The following DGKB variants were observed in gnomAD, a reference collection of about 807,000 sequenced individuals.
The protein encoded by DGKB is 90 kDa diacylglycerol kinase.
A neutral mutation model predicts 114.3 loss-of-function variants in DGKB; 67 were observed. The ratio of observed to expected loss-of-function variants is 0.59; its 90% confidence interval spans 0.48 to 0.72. DGKB has a LOEUF of 0.72. Among genes scored for constraint, DGKB ranks in the 30% least tolerant of loss-of-function variants. The pLI is 0.00. For synonymous variants in DGKB, 398 were observed against 323.1 expected (o/e 1.23, Z -2.49); for missense variants, 907 against 975.2 (o/e 0.93, Z 0.93).
chr7:14,641,842 C>T (rs895129535), intron 13 of DGKB, among the ~76,000 whole-genome samples: 1 of 151,962 alleles, frequency 6.6e-6, no homozygotes, highest in Non-Finnish European at 1.5e-5. Flanking sequence ...TGTTTATGTA[C>T]ATTTATTCTT....
intron 23 of DGKB, among the ~76,000 whole-genome samples, chr7:14,184,108 G>T (rs1783040539): frequency 6.6e-6 from 1 of 152,174 alleles, no homozygotes; most frequent in Non-Finnish European, 1.5e-5. Context: ...AAGTACAGGG[G>T]TAGAGGAAGC....
At chr7:14,931,621 C>T (rs1785023895) in intron 1 of DGKB, among the ~76,000 whole-genome samples, 1 of 152,078 alleles carries the variant, frequency 6.6e-6, no homozygotes, top group Non-Finnish European at 1.5e-5. Context: ...GTCCCCATAG[C>T]CACAGCTTTG....
At chr7:14,487,656 G>A (rs1266288306) in intron 20 of DGKB, among the ~76,000 whole-genome samples, 1 of 111,098 alleles carries the variant, frequency 9.0e-6, no homozygotes, top group African/African-American at 2.7e-5. Flanking sequence ...GACATTGGCT[G>A]CAGTGCAGTG....
intron 23 of DGKB, among the ~76,000 whole-genome samples, chr7:14,247,936 C>T (rs375304535): frequency 4.6e-5 from 7 of 151,932 alleles, no homozygotes; most frequent in East Asian, 1.9e-4. Flanking sequence ...AGACTAATGA[C>T]GAGTAGCTTT....
At chr7:14,593,911 G>A (rs889441866) in intron 17 of DGKB, among the ~76,000 whole-genome samples, 2 of 151,700 alleles carry the variant, frequency 1.3e-5, no homozygotes, top group Admixed American at 1.3e-4. Flanking sequence ...AAGTCCTTTC[G>A]GTTTTGACCC....
intron 1 of DGKB, among the ~76,000 whole-genome samples, chr7:14,948,530 T>C (rs1045982478): frequency 4.0e-5 from 6 of 151,758 alleles, no homozygotes; most frequent in African/African-American, 1.4e-4. Flanking sequence ...ATCTGTATAC[T>C]AAAAAATAGA....
chr7:14,233,014 G>GT (rs1792151324), intron 23 of DGKB, among the ~76,000 whole-genome samples: 4 of 152,134 alleles, frequency 2.6e-5, no homozygotes, highest in Middle Eastern at 3.4e-3. Flanking sequence ...TTTTGTTTTT[G>GT]CTACACAAAG....
intron 21 of DGKB, among the ~76,000 whole-genome samples, chr7:14,452,837 A>G (rs1831725082): frequency 6.6e-6 from 1 of 152,074 alleles, no homozygotes; most frequent in Admixed American, 6.6e-5. Flanking sequence ...ATTTTTATTT[A>G]TATATATTAT....
intron 12 of DGKB, among the ~76,000 whole-genome samples, chr7:14,673,427 G>C (rs1397468638): frequency 7.9e-6 from 1 of 126,082 alleles, no homozygotes; most frequent in African/African-American, 3.1e-5. Flanking sequence ...TGACCCTCCT[G>C]TTTTCTCAAA....
chr7:14,374,544 A>C (rs1168864489), intron 21 of DGKB, among the ~76,000 whole-genome samples: 2 of 152,150 alleles, frequency 1.3e-5, no homozygotes, highest in African/African-American at 2.4e-5. Context: ...CCCCGCACAC[A>C]TTCTGATAAA....
intron 1 of DGKB, among the ~76,000 whole-genome samples, chr7:14,919,246 C>A (rs546705567): frequency 6.6e-6 from 1 of 152,124 alleles, no homozygotes; most frequent in South Asian, 2.1e-4. Context: ...GTAATCAGGG[C>A]AGCACGTTAT....
intron 9 of DGKB, among the ~76,000 whole-genome samples, chr7:14,686,907 A>C (rs980437493): frequency 6.6e-6 from 1 of 152,098 alleles, no homozygotes; most frequent in South Asian, 2.1e-4. Flanking sequence ...AGTAACAAAC[A>C]GCCTAGCCTT....
At chr7:14,842,217 C>T (rs550852046) in intron 1 of DGKB, among the ~76,000 whole-genome samples, 27 of 152,268 alleles carry the variant, frequency 1.8e-4, no homozygotes, top group African/African-American at 6.5e-4. Context: ...GTAATCATTG[C>T]AAGGTTTATT....
At chr7:14,424,476 A>G (rs1431535) in intron 21 of DGKB, among the ~76,000 whole-genome samples, 40,424 of 151,762 alleles carry the variant, frequency 0.27, 5,903 homozygotes, top group East Asian at 0.49. Flanking sequence ...TAAAAGAGTT[A>G]GGTCTATCAC....
intron 1 of DGKB, among the ~76,000 whole-genome samples, chr7:14,950,590 A>G (rs1218783283): frequency 6.6e-6 from 1 of 152,038 alleles, no homozygotes; most frequent in Admixed American, 6.6e-5. Flanking sequence ...TAGACCTATA[A>G]TAAGGCAACA....
Position 14,852,487 on chromosome 7 carries a change from C to CAAAAACAAAAAAACAAAACA in DGKB, c.-187-11038_-187-11037insTGTTTTGTTTTTTTGTTTTT, listed in dbSNP as rs1554304205. Among the ~76,000 whole-genome samples the CAAAAACAAAAAAACAAAACA allele has an allele frequency of 1.9e-4, 12 of 63,618 alleles. 2 individuals are homozygous for CAAAAACAAAAAAACAAAACA. The highest frequency in any genetic ancestry group is 4.8e-4 in the Admixed American group (3 of 6,210). 41.7% of individuals were successfully genotyped at this position (63,618 alleles called of 152,430 possible). On this transcript the variant is annotated intron_variant, in intron 1 of 25. Coordinates refer to ENST00000402815, the MANE Select transcript of DGKB (RefSeq NM_001350709.2). ...GAGGAATAGCTAAAATAGTGAAAGT[C>CAAAAACAAAAAAACAAAACA]AAAAAAAAAACAGAAATCAAGCATA... is the stretch of plus-strand genomic sequence containing the variant.
At chr7:14,542,114 C>T (rs1304760143) in intron 20 of DGKB, among the ~76,000 whole-genome samples, 1 of 152,058 alleles carries the variant, frequency 6.6e-6, no homozygotes, top group Non-Finnish European at 1.5e-5. Flanking sequence ...CAAAATTCTA[C>T]AATGGTTCCT....
Position 14,757,816 on chromosome 7 carries a change from A to T in DGKB, c.71-85T>A, listed in dbSNP as rs192201554. 5.2e-4 allele frequency: 337 copies of T among 651,406 alleles called. 1 individual carries two copies. The African/African-American group carries it at 5.7e-3, about 11-fold the overall frequency. 40.4% of individuals were successfully genotyped at this position (651,406 alleles called of 1,614,324 possible). On this transcript the variant is annotated intron_variant, in intron 2 of 25. Coordinates refer to ENST00000402815, the MANE Select transcript of DGKB (RefSeq NM_001350709.2). Reference sequence around the variant, plus strand: ...AGTCCAGAAACAGAGACCACTTAAAATGTAAATAAGCATCAGCAGAAACTA... The same window carrying T: ...AGTCCAGAAACAGAGACCACTTAAATTGTAAATAAGCATCAGCAGAAACTA...
chr7:14,862,311 G>A (rs1300501456), intron 1 of DGKB, among the ~76,000 whole-genome samples: 1 of 151,974 alleles, frequency 6.6e-6, no homozygotes. Context: ...GTACATGATA[G>A]GGACACTAAA....
Sources: gnomAD v4.1 joint callset for allele counts (sites outside exome capture counted in the v4.1 genomes callset) on GRCh38, gnomAD v4.1.1 for gene constraint, MANE v1.5 for transcripts, NCBI Gene and HGNC (gene_info 2026-07-23, HGNC 2026-07-21) for gene names.